The following OR56B2 variants were observed in gnomAD, a reference collection of about 807,000 sequenced individuals.
OR56B2 encodes the protein olfactory receptor 56B2.
At chr11:5,765,882 A>T in the OR56B2 span, 1 of 139,874 alleles carries the variant, frequency 7.1e-6, no homozygotes, top group Non-Finnish European at 1.6e-5. Context: ...CTACACAGTC[A>T]TCATTGTGAT....
the OR56B2 span, among the ~76,000 whole-genome samples, chr11:5,762,882 A>T: frequency 1.3e-5 from 2 of 152,090 alleles, no homozygotes; most frequent in Non-Finnish European, 2.9e-5. Context: ...AGTTTAGGTT[A>T]TGTGTTTGGG....
chr11:5,766,972 A>G, the OR56B2 span: 1 of 139,982 alleles, frequency 7.1e-6, no homozygotes, highest in Admixed American at 7.4e-5. Context: ...AACAACCTGT[A>G]TATCTATAAG....
chr11:5,766,633 C>T, the OR56B2 span: 1 of 139,448 alleles, frequency 7.2e-6, no homozygotes, highest in Admixed American at 7.4e-5. Context: ...CAATAACACA[C>T]CCCTTTACCC....
chr11:5,766,675 C>T, the OR56B2 span: 2 of 139,004 alleles, frequency 1.4e-5, 1 homozygote, highest in African/African-American at 5.3e-5. Flanking sequence ...ATAACACACC[C>T]CTTTACCCCC....
At chr11:5,768,586 G>A in the OR56B2 span, among the ~76,000 whole-genome samples, 3 of 139,420 alleles carry the variant, frequency 2.2e-5, 1 homozygote, top group Non-Finnish European at 4.8e-5. Context: ...ACCTAGGATT[G>A]GCATTGCTGG....
At chr11:5,762,177 G>C in the OR56B2 span, among the ~76,000 whole-genome samples, 1 of 151,540 alleles carries the variant, frequency 6.6e-6, no homozygotes, top group African/African-American at 2.4e-5. Flanking sequence ...CTAGATCATT[G>C]TATTTTCTAA....
chr11:5,761,772 C>T, the OR56B2 span, among the ~76,000 whole-genome samples: 1 of 151,986 alleles, frequency 6.6e-6, no homozygotes, highest in Non-Finnish European at 1.5e-5. Flanking sequence ...ATTAATTATC[C>T]CATCTTGCAA....
At chr11:5,763,345 C>CATAGG in the OR56B2 span, among the ~76,000 whole-genome samples, 4 of 144,044 alleles carry the variant, frequency 2.8e-5, no homozygotes, top group African/African-American at 5.1e-5. Flanking sequence ...CGGAGTTTCA[C>CATAGG]TCTTGTTGCC....
the OR56B2 span, among the ~76,000 whole-genome samples, chr11:5,762,407 C>T: frequency 1.1e-4 from 16 of 151,970 alleles, no homozygotes; most frequent in South Asian, 1.7e-3. Flanking sequence ...TTATGGCTTT[C>T]GATAATTTTG....
At chr11:5,762,697 T>G in the OR56B2 span, among the ~76,000 whole-genome samples, 527 of 152,146 alleles carry the variant, frequency 3.5e-3, 2 homozygotes, top group African/African-American at 0.012. Context: ...AGCATCAAAG[T>G]ATCACATGTA....
the OR56B2 span, among the ~76,000 whole-genome samples, chr11:5,763,954 T>C: frequency 7.1e-6 from 1 of 140,514 alleles, no homozygotes; most frequent in Non-Finnish European, 1.6e-5. Context: ...TTAACCTTAT[T>C]TTGTTACAAG....
chr11:5,768,704 TTATTCTC>T, the OR56B2 span, among the ~76,000 whole-genome samples: 4 of 139,806 alleles, frequency 2.9e-5, no homozygotes, highest in African/African-American at 1.0e-4. Flanking sequence ...ACTGCAAAAA[TTATTCTC>T]TACATGTATA....
chr11:5,764,629 G>T, the OR56B2 span, among the ~76,000 whole-genome samples: 2 of 139,286 alleles, frequency 1.4e-5, no homozygotes, highest in African/African-American at 2.6e-5. Flanking sequence ...ACAAAAAATA[G>T]TTCACTTCTA....
chr11:5,764,113 G>T, the OR56B2 span, among the ~76,000 whole-genome samples: 10,569 of 140,266 alleles, frequency 0.075, 2,147 homozygotes, highest in African/African-American at 0.099. Context: ...ATACTTAAAA[G>T]GAAAGAAGAA....
the OR56B2 span, among the ~76,000 whole-genome samples, chr11:5,763,250 C>G: frequency 1.3e-5 from 2 of 152,060 alleles, no homozygotes; most frequent in Non-Finnish European, 2.9e-5. Flanking sequence ...TACTCTTCTA[C>G]CCCTTGATTG....
At chr11:5,765,404 G>C in the OR56B2 span, 2 of 141,180 alleles carry the variant, frequency 1.4e-5, no homozygotes, top group East Asian at 4.1e-4. Context: ...TCAGTCTCCT[G>C]GAGTGCTTTG....
the OR56B2 span, chr11:5,767,165 G>T: frequency 7.2e-6 from 1 of 139,698 alleles, no homozygotes; most frequent in African/African-American, 2.6e-5. Context: ...ACAGACATGT[G>T]CAAAGAGACA....
the OR56B2 span, among the ~76,000 whole-genome samples, chr11:5,763,925 G>A: frequency 7.1e-6 from 1 of 140,108 alleles, no homozygotes; most frequent in African/African-American, 2.6e-5. Context: ...ATTAAAATTT[G>A]TAGAAACAAT....
the OR56B2 span, chr11:5,767,123 C>T: frequency 1.1e-4 from 15 of 139,378 alleles, 3 homozygotes; most frequent in East Asian, 3.1e-3. Flanking sequence ...TTGGTGTTGC[C>T]TCATAACATG....
Sources: allele counts gnomAD v4.1 joint callset (sites outside exome capture counted in the v4.1 genomes callset), GRCh38; gene constraint gnomAD v4.1.1; transcripts MANE v1.5; gene names NCBI Gene and HGNC (gene_info 2026-07-23, HGNC 2026-07-21).